Variants in KDM4B observed in about 807,000 individuals in gnomAD.
KDM4B encodes the protein lysine-specific demethylase 4B.
Under a neutral mutation model 125.2 loss-of-function variants are expected in KDM4B, and 32 were observed. The observed-to-expected ratio is 0.26, with a 90% CI of 0.19 to 0.34. The LOEUF (loss-of-function observed/expected upper bound fraction) is 0.34. KDM4B is among the 10% of genes least tolerant of loss of function. The pLI is 1.00. For synonymous variants in KDM4B, 721 were observed against 677.9 expected, an observed-to-expected ratio of 1.06 and a Z score of -0.99; for missense variants, 1,190 against 1,577.7, an observed-to-expected ratio of 0.75 and a Z score of 4.16.
At chr19:5,077,248 G>C in intron 7 of KDM4B, 119 bp from the exon 8 acceptor site, 1 of 811,054 alleles carries the variant, frequency 1.2e-6, no homozygotes, top group Non-Finnish European at 2.0e-6. Flanking sequence ...GCCGTGCTCT[G>C]TGCTCCCACA....
intron 8 of KDM4B, 94 bp downstream of exon 8, chr19:5,077,564 A>C: frequency 9.3e-7 from 1 of 1,073,070 alleles, no homozygotes; most frequent in Non-Finnish European, 1.4e-6. Flanking sequence ...AAGCTGTTTA[A>C]CCCTGGAGAA....
chr19:5,089,790 C>T (rs1237971808), intron 9 of KDM4B, among the ~76,000 whole-genome samples: 2 of 151,508 alleles, frequency 1.3e-5, no homozygotes, highest in Non-Finnish European at 2.9e-5. Flanking sequence ...TTCCTAGGTG[C>T]TTCTTGAGCA....
At chr19:5,023,964 C>T (rs2036203723) in intron 2 of KDM4B, among the ~76,000 whole-genome samples, 1 of 151,896 alleles carries the variant, frequency 6.6e-6, no homozygotes, top group African/African-American at 2.4e-5. Flanking sequence ...TATGTTCAGG[C>T]TCATCCTGAA....
At chr19:5,106,167 G>T (rs1043620552) in intron 9 of KDM4B, among the ~76,000 whole-genome samples, 1 of 152,204 alleles carries the variant, frequency 6.6e-6, no homozygotes, top group Non-Finnish European at 1.5e-5. Context: ...CCTGTAGACC[G>T]CATCTTGCCA....
At chr19:5,110,386 C>G (rs1227452724) in intron 9 of KDM4B, among the ~76,000 whole-genome samples, 1 of 151,890 alleles carries the variant, frequency 6.6e-6, no homozygotes, top group African/African-American at 2.4e-5. Context: ...GCGGGAGAAT[C>G]GCTTGAGCCT....
At chr19:5,023,626 C>T (rs2036190053) in intron 2 of KDM4B, among the ~76,000 whole-genome samples, 1 of 152,164 alleles carries the variant, frequency 6.6e-6, no homozygotes, top group Non-Finnish European at 1.5e-5. Context: ...ACCTGATGCC[C>T]AGCCCTCCTG....
At chr19:5,023,265 T>G (rs2036178572) in intron 2 of KDM4B, among the ~76,000 whole-genome samples, 1 of 152,204 alleles carries the variant, frequency 6.6e-6, no homozygotes, top group Admixed American at 6.5e-5. Context: ...AACGTTCTCG[T>G]GCCAAGGTTT....
chr19:5,122,022 C>T (rs188394184), intron 11 of KDM4B, among the ~76,000 whole-genome samples: 93 of 152,258 alleles, frequency 6.1e-4, no homozygotes, highest in African/African-American at 2.0e-3. Context: ...GCCCTGGGGC[C>T]GCTGAAATGA....
chr19:5,136,033 G>C (rs934475740), intron 15 of KDM4B, among the ~76,000 whole-genome samples: 1 of 152,258 alleles, frequency 6.6e-6, no homozygotes, highest in Non-Finnish European at 1.5e-5. Flanking sequence ...TGTGTTCCCT[G>C]AGAATGGCTG....
At chr19:5,132,134 G>T in intron 13 of KDM4B, 127 bp downstream of exon 13, 1 of 1,205,272 alleles carries the variant, frequency 8.3e-7, no homozygotes. Flanking sequence ...CTGAACCCAG[G>T]CCTTTCTGTG....
chr19:5,132,542 T>G (rs1246603566), intron 13 of KDM4B, among the ~76,000 whole-genome samples: 1 of 149,988 alleles, frequency 6.7e-6, no homozygotes, highest in African/African-American at 2.5e-5. Flanking sequence ...ATTGGAGGGG[T>G]GGGGAGAGGA....
chr19:4,972,067 G>A (rs148820977), intron 1 of KDM4B, among the ~76,000 whole-genome samples: 124 of 152,336 alleles, frequency 8.1e-4, no homozygotes, highest in African/African-American at 2.9e-3. Flanking sequence ...GAGGCAGCTC[G>A]ATGGGGTCTT....
chr19:5,139,532 A>T (rs1438865862), intron 18 of KDM4B, among the ~76,000 whole-genome samples: 1 of 152,188 alleles, frequency 6.6e-6, no homozygotes, highest in Non-Finnish European at 1.5e-5. Flanking sequence ...ACGGACTCCC[A>T]TCCGCACCCC....
rs1481749751 is a variant in KDM4B at position 5,114,937 on chromosome 19, C to T, written c.1115+4119C>T. ...CGACATTTGGCTCATAGGAATGAGC[C>T]CAGCGGCGTCCAGTTAAGCCTGGCA... On this transcript the variant is annotated intron_variant, in intron 10 of 22. Coordinates refer to ENST00000159111, the MANE Select transcript of KDM4B (RefSeq NM_015015.3). The surrounding 1 kb of genome is among the most constrained non-coding windows in gnomAD (Gnocchi z 5.8). Among the ~76,000 whole-genome samples, 1 of 152,224 alleles carries T rather than the reference C, an allele frequency of 6.6e-6. No homozygotes were observed. The highest frequency in any genetic ancestry group is 1.5e-5 in the Non-Finnish European group (1 of 68,044).
chr19:5,101,536 A>G (rs974201034), intron 9 of KDM4B, among the ~76,000 whole-genome samples: 1 of 151,890 alleles, frequency 6.6e-6, no homozygotes, highest in African/African-American at 2.4e-5. Flanking sequence ...GTCTGAAAAA[A>G]AAAAACAAAA....
chr19:5,132,280 C>G (rs1370009807), intron 13 of KDM4B, among the ~76,000 whole-genome samples: 1 of 152,146 alleles, frequency 6.6e-6, no homozygotes, highest in East Asian at 1.9e-4. Context: ...CTTGTACCTC[C>G]CCATGGAAGA....
chr19:4,990,763 C>T (rs753129345), intron 1 of KDM4B, among the ~76,000 whole-genome samples: 3 of 152,104 alleles, frequency 2.0e-5, no homozygotes, highest in African/African-American at 4.8e-5. Context: ...TTTATAAACC[C>T]GGATGGATAA....
intron 22 of KDM4B, among the ~76,000 whole-genome samples, chr19:5,150,677 A>T (rs10408876): frequency 0.23 from 34,348 of 152,014 alleles, 4,111 homozygotes; most frequent in African/African-American, 0.3. Context: ...GATGCCGTTA[A>T]TGTGGGGAGG....
chr19:5,090,375 TCC>T (rs1361804769), intron 9 of KDM4B, among the ~76,000 whole-genome samples: 1 of 59,342 alleles, frequency 1.7e-5, no homozygotes, highest in South Asian at 8.5e-4. Flanking sequence ...CATCTCTCTC[TCC>T]CCCCATATCT....
Sources: allele counts gnomAD v4.1 joint callset (sites outside exome capture counted in the v4.1 genomes callset), GRCh38; gene constraint gnomAD v4.1.1; non-coding constraint Gnocchi (gnomAD v3.1); transcripts MANE v1.5; gene names NCBI Gene and HGNC (gene_info 2026-07-23, HGNC 2026-07-21).